DGKB: variants seen among roughly 807,000 people sequenced by gnomAD.
DGKB encodes 90 kDa diacylglycerol kinase.
Under a neutral mutation model 114.3 loss-of-function variants are expected in DGKB, and 67 were observed. The observed-to-expected ratio is 0.59, with a 90% CI of 0.48 to 0.72. The LOEUF (loss-of-function observed/expected upper bound fraction) is 0.72. DGKB is among the 30% of genes least tolerant of loss of function. The pLI is 0.00. For missense variants in DGKB, 907 were observed against 975.2 expected (o/e 0.93, Z 0.93); for synonymous variants, 398 against 323.1 (o/e 1.23, Z -2.49).
chr7:14,247,761 G>A lies in DGKB; in HGVS notation c.2123-69610C>T, dbSNP rs141334608. ...TTTTACTATTAACTCTTTATCAGAC[G>A]CATAATTTACAAATATTTTCTTCCA... On this transcript the variant is annotated intron_variant, in intron 23 of 25. Transcript: ENST00000402815. 4.6e-5 allele frequency among the ~76,000 whole-genome samples: 7 copies of A among 151,636 alleles called. No homozygotes were observed. In the East Asian group the frequency reaches 5.8e-4, roughly 13 times the overall value.
intron 14 of DGKB, 98 bp downstream of exon 14, chr7:14,630,138 C>T (rs536159987): frequency 1.6e-5 from 11 of 673,918 alleles, no homozygotes; most frequent in Admixed American, 4.0e-5. Context: ...TGCTGGTATT[C>T]GAATGTCACT....
intron 1 of DGKB, among the ~76,000 whole-genome samples, chr7:14,933,548 T>C (rs1468641371): frequency 6.6e-6 from 1 of 152,216 alleles, no homozygotes; most frequent in Non-Finnish European, 1.5e-5. Flanking sequence ...GTTGTGCTAA[T>C]TGCATCACTC....
At chr7:14,824,707 T>A (rs1845417241) in intron 2 of DGKB, among the ~76,000 whole-genome samples, 1 of 152,024 alleles carries the variant, frequency 6.6e-6, no homozygotes, top group Admixed American at 6.6e-5. Flanking sequence ...TTAGAAAATG[T>A]GTTGTTTATG....
rs748587054 is a variant in DGKB, at chr7:14,574,241, T to G, written c.1741A>C (p.Ile581Leu). The part of the protein sequence containing the change: ...DEKGDPVPYS[I>L]INNYFSIGVD... Reference sequence around the variant, plus strand: ...CCAATGGAAAAGTAATTATTGATGATACTGTAAGGCACTGGGTCTCCTTTC... The same window carrying G: ...CCAATGGAAAAGTAATTATTGATGAGACTGTAAGGCACTGGGTCTCCTTTC... Residue 581 changes from isoleucine to leucine, a missense_variant, in exon 20 of 26, where the codon ATC becomes CTC. By Grantham distance (5) the Ile-to-Leu change is conservative. Transcript: ENST00000402815. 3.6e-5 allele frequency: 58 copies of G among 1,613,218 alleles called. 1 individual carries two copies. In the East Asian group the frequency reaches 1.3e-3, roughly 36 times the overall value.
At chr7:14,516,321 A>G (rs1001635935) in intron 20 of DGKB, among the ~76,000 whole-genome samples, 2 of 152,222 alleles carry the variant, frequency 1.3e-5, no homozygotes, top group Admixed American at 6.5e-5. Flanking sequence ...TGTCTATAAA[A>G]ATCAAATATC....
chr7:14,852,163 T>G (rs1425017045), intron 1 of DGKB, among the ~76,000 whole-genome samples: 1 of 152,074 alleles, frequency 6.6e-6, no homozygotes, highest in Non-Finnish European at 1.5e-5. Flanking sequence ...ACTATTCCAG[T>G]TATTATTATT....
chr7:14,534,616 G>A (rs1792129897), intron 20 of DGKB, among the ~76,000 whole-genome samples: 1 of 152,004 alleles, frequency 6.6e-6, no homozygotes. Flanking sequence ...ACACACATAG[G>A]CTGAAAGTGA....
At chr7:14,504,602 C>T (rs1785693071) in intron 20 of DGKB, among the ~76,000 whole-genome samples, 1 of 152,078 alleles carries the variant, frequency 6.6e-6, no homozygotes, top group Admixed American at 6.6e-5. Context: ...CACTCTTCTG[C>T]TTATAATTTT....
intron 2 of DGKB, among the ~76,000 whole-genome samples, chr7:14,765,027 A>G (rs971468609): frequency 5.3e-5 from 8 of 152,212 alleles, no homozygotes; most frequent in Admixed American, 1.3e-4. Context: ...GAATTTTCAT[A>G]AAAGTACAAA....
At chr7:14,726,662 T>C (rs1586015891) in intron 5 of DGKB, among the ~76,000 whole-genome samples, 1 of 152,376 alleles carries the variant, frequency 6.6e-6, no homozygotes, top group East Asian at 1.9e-4. Context: ...GGCCCATGTC[T>C]TGGGCCATCC....
At chr7:14,603,535 A>C (rs966815051) in intron 17 of DGKB, among the ~76,000 whole-genome samples, 1 of 152,098 alleles carries the variant, frequency 6.6e-6, no homozygotes, top group African/African-American at 2.4e-5. Flanking sequence ...AATCTGTGAA[A>C]TCTGTTATGC....
At chr7:14,220,935 TATA>T (rs1562656430) in intron 23 of DGKB, among the ~76,000 whole-genome samples, 15 of 151,094 alleles carry the variant, frequency 9.9e-5, no homozygotes. Flanking sequence ...TTTCTGAGGC[TATA>T]ATAAAATTTT....
At chr7:14,152,988 A>G (rs1222976878) in intron 25 of DGKB, among the ~76,000 whole-genome samples, 2 of 152,054 alleles carry the variant, frequency 1.3e-5, no homozygotes, top group African/African-American at 2.4e-5. Flanking sequence ...ATATTATCAG[A>G]GAAGAGTGCA....
chr7:14,751,159 A>T (rs1164299328), intron 4 of DGKB, among the ~76,000 whole-genome samples: 11 of 152,164 alleles, frequency 7.2e-5, no homozygotes. Context: ...AAAACAACAG[A>T]TAAACCCTAA....
At chr7:14,802,288 G>T (rs1052746931) in intron 2 of DGKB, among the ~76,000 whole-genome samples, 6 of 151,592 alleles carry the variant, frequency 4.0e-5, no homozygotes, top group African/African-American at 1.2e-4. Context: ...TTCACTTTTG[G>T]CTTTCTCATG....
At chr7:14,655,556 A>T (rs567498583) in intron 13 of DGKB, among the ~76,000 whole-genome samples, 2 of 151,922 alleles carry the variant, frequency 1.3e-5, no homozygotes, top group African/African-American at 4.8e-5. Context: ...AGGAAAGGAA[A>T]CTTGTGTATC....
chr7:14,779,816 T>C (rs2128486226), intron 2 of DGKB, among the ~76,000 whole-genome samples: 1 of 152,306 alleles, frequency 6.6e-6, no homozygotes, highest in African/African-American at 2.4e-5. Context: ...TAACTGTAAA[T>C]ATTTTACTAA....
intron 1 of DGKB, among the ~76,000 whole-genome samples, chr7:14,950,429 G>A (rs1423121091): frequency 1.1e-4 from 16 of 151,720 alleles, no homozygotes; most frequent in African/African-American, 1.9e-4. Context: ...TTGATGAAAT[G>A]GAGAACAAAA....
chr7:14,874,602 C>T (rs1264621661), intron 1 of DGKB, among the ~76,000 whole-genome samples: 1 of 151,840 alleles, frequency 6.6e-6, no homozygotes, highest in African/African-American at 2.4e-5. Context: ...CACACACACA[C>T]ATATCTATAT....
Sources: gnomAD v4.1 joint callset for allele counts (sites outside exome capture counted in the v4.1 genomes callset) on GRCh38, gnomAD v4.1.1 for gene constraint, MANE v1.5 for transcripts, NCBI Gene and HGNC (gene_info 2026-07-23, HGNC 2026-07-21) for gene names.